The following MAPRE2 variants were observed in gnomAD, a reference collection of about 807,000 sequenced individuals.
MAPRE2 encodes microtubule associated protein RP/EB family member 2, also known as microtubule-associated protein RP/EB family member 2.
MAPRE2 carries 13 observed loss-of-function variants against 43.2 expected under a neutral mutation model. The ratio of observed to expected loss-of-function variants is 0.30; its 90% CI spans 0.20 to 0.48. MAPRE2 has a LOEUF of 0.48. Ranked by LOEUF, MAPRE2 falls within the 20% of genes least tolerant of loss-of-function variation. MAPRE2 has a pLI of 0.99. For synonymous variants in MAPRE2, 135 were observed against 148.8 expected, an observed-to-expected ratio of 0.91 and a Z score of 0.68; for missense variants, 161 against 400.2, an observed-to-expected ratio of 0.40 and a Z score of 5.10.
At chr18:35,127,141 AG>A (rs759213472) in intron 5 of MAPRE2, 54 bp downstream of exon 5, 1 of 1,599,636 alleles carries the variant, frequency 6.3e-7, no homozygotes, top group Admixed American at 1.7e-5. Flanking sequence ...TGTAAGAGGT[AG>A]GGGGCCTAGG....
intron 1 of MAPRE2, among the ~76,000 whole-genome samples, chr18:34,995,930 C>T (rs775542359): frequency 2.0e-5 from 3 of 152,052 alleles, no homozygotes; most frequent in South Asian, 2.1e-4. Context: ...TTTAGAAAGG[C>T]GGATTCTCAC....
At chr18:35,058,529 A>G (rs920968929) in intron 1 of MAPRE2, among the ~76,000 whole-genome samples, 1 of 152,174 alleles carries the variant, frequency 6.6e-6, no homozygotes, top group African/African-American at 2.4e-5. Flanking sequence ...ATTTTGACTA[A>G]TTTACCACAA....
chr18:35,000,583 C>G (rs1405786366), intron 1 of MAPRE2, among the ~76,000 whole-genome samples: 1 of 152,068 alleles, frequency 6.6e-6, no homozygotes, highest in Non-Finnish European at 1.5e-5. Context: ...TTTGACATTT[C>G]TAGAGGATGG....
intron 6 of MAPRE2, among the ~76,000 whole-genome samples, chr18:35,133,258 T>G (rs1051763168): frequency 6.6e-6 from 1 of 151,478 alleles, no homozygotes; most frequent in Non-Finnish European, 1.5e-5. Context: ...CTTTATCACT[T>G]TTTTTTTTCA....
chr18:35,055,284 G>T lies in MAPRE2; in HGVS notation c.122+13623G>T, dbSNP rs181548918. ...GGGAGACCCTTCCTTGTCTCTTCCC[G>T]CTTCTTTTGGCCCCCATGTGCTCCT... On this transcript the variant is annotated intron_variant, in intron 1 of 6. Transcript: ENST00000300249. Among the ~76,000 whole-genome samples the T allele has an allele frequency of 3.7e-4, 56 of 152,160 alleles. 1 individual carries two copies. In the East Asian group the frequency reaches 6.0e-3, roughly 16 times the overall value.
intron 2 of MAPRE2, among the ~76,000 whole-genome samples, chr18:35,076,889 T>G (rs1316615299): frequency 6.6e-6 from 1 of 152,204 alleles, no homozygotes; most frequent in African/African-American, 2.4e-5. Flanking sequence ...ACTGGGTAGA[T>G]GTCATGTGAC....
At chr18:35,042,466 C>T (rs1905417350) in intron 1 of MAPRE2, among the ~76,000 whole-genome samples, 1 of 152,074 alleles carries the variant, frequency 6.6e-6, no homozygotes, top group Non-Finnish European at 1.5e-5. Flanking sequence ...TTGGCCTGTA[C>T]GGTTGGCATC....
At chr18:35,020,681 T>C (rs2097041382) in intron 2 of MAPRE2, among the ~76,000 whole-genome samples, 1 of 152,090 alleles carries the variant, frequency 6.6e-6, no homozygotes, top group Non-Finnish European at 1.5e-5. Context: ...TGCCTCCTAC[T>C]CAAGAAAACG....
intron 1 of MAPRE2, among the ~76,000 whole-genome samples, chr18:34,998,785 T>C (rs984464310): frequency 7.1e-6 from 1 of 140,748 alleles, no homozygotes; most frequent in East Asian, 2.0e-4. Flanking sequence ...TTTTTTTTTT[T>C]TTTTTTTTTT....
At chr18:34,983,429 G>A (rs1221569378) in intron 1 of MAPRE2, among the ~76,000 whole-genome samples, 1 of 152,072 alleles carries the variant, frequency 6.6e-6, no homozygotes, top group Admixed American at 6.5e-5. Flanking sequence ...ATCCTAATGT[G>A]AACACTTGCC....
chr18:35,050,391 C>T (rs1905875423), intron 1 of MAPRE2, among the ~76,000 whole-genome samples: 1 of 152,170 alleles, frequency 6.6e-6, no homozygotes, highest in African/African-American at 2.4e-5. Context: ...TCAGTAGTCA[C>T]AAATGAAATG....
At chr18:35,124,352 A>C (rs778218206) in intron 4 of MAPRE2, among the ~76,000 whole-genome samples, 3 of 152,180 alleles carry the variant, frequency 2.0e-5, no homozygotes, top group Non-Finnish European at 2.9e-5. Context: ...CCATGCTTCA[A>C]TTACCTGCCA....
intron 2 of MAPRE2, among the ~76,000 whole-genome samples, chr18:35,095,396 A>ACACG (rs1555917961): frequency 4.2e-4 from 62 of 148,500 alleles, no homozygotes; most frequent in Admixed American, 2.0e-3. Context: ...ACACACACAC[A>ACACG]CACACGCACA....
intron 2 of MAPRE2, among the ~76,000 whole-genome samples, chr18:35,018,842 T>G (rs769750031): frequency 6.6e-6 from 1 of 152,004 alleles, no homozygotes; most frequent in Non-Finnish European, 1.5e-5. Context: ...AGATTTTAAT[T>G]TATTTATATT....
At chr18:35,041,874 G>A in intron 1 of MAPRE2, 1 of 1,227,200 alleles carries the variant, frequency 8.1e-7, no homozygotes, top group Non-Finnish European at 1.1e-6. Flanking sequence ...TTTGTGAATA[G>A]GTTTGCTGCC....
chr18:35,140,486 A>G lies in MAPRE2; in HGVS notation c.*117A>G, dbSNP rs903703073. 37 of 994,454 alleles carry G rather than the reference A, an allele frequency of 3.7e-5. No homozygotes were observed. The highest frequency in any genetic ancestry group is 5.4e-5 in the Non-Finnish European group (36 of 668,354). 61.6% of individuals were successfully genotyped at this position (994,454 alleles called of 1,614,324 possible). On this transcript the variant is annotated 3_prime_UTR_variant, in exon 7 of 7. Coordinates refer to ENST00000300249, the MANE Select transcript of MAPRE2 (RefSeq NM_014268.4). The stretch of plus-strand genomic sequence containing the variant: ...CAGTTGTTCCCAATCTGCCGTTACC[A>G]TCAACGCACTGTTGCATATGCCAGC...
rs997999985 is a variant in MAPRE2 at position 35,041,821 on chromosome 18, G to A, written c.122+160G>A. The A allele has an allele frequency of 2.0e-6, 3 of 1,465,996 alleles. No homozygotes were observed. The African/African-American group carries it at 4.2e-5, about 21-fold the overall frequency. 90.8% of individuals were successfully genotyped at this position (1,465,996 alleles called of 1,614,324 possible). A position where few individuals can be genotyped will look rare whatever the true frequency, so the allele number is the denominator to read the frequency against. On this transcript the variant is annotated intron_variant, in intron 1 of 6. Coordinates refer to ENST00000300249, the MANE Select transcript of MAPRE2 (RefSeq NM_014268.4). ...TTTGGTATCTGTTTCCATGTGTCAT[G>A]TTGGGTTTGCATTGAGGCTCCGCGA...
intron 2 of MAPRE2, among the ~76,000 whole-genome samples, chr18:35,006,777 A>G (rs1369526509): frequency 6.6e-6 from 1 of 152,204 alleles, no homozygotes; most frequent in Admixed American, 6.5e-5. Flanking sequence ...ACTCTGGCCA[A>G]CATGGCAAAA....
chr18:35,103,017 A>G (rs1908749719), intron 4 of MAPRE2, among the ~76,000 whole-genome samples: 1 of 150,950 alleles, frequency 6.6e-6, no homozygotes, highest in African/African-American at 2.5e-5. Context: ...AATGGTTAAC[A>G]GGACCACATA....
Sources: allele counts gnomAD v4.1 joint callset (sites outside exome capture counted in the v4.1 genomes callset), GRCh38; gene constraint gnomAD v4.1.1; transcripts MANE v1.5; gene names NCBI Gene and HGNC (gene_info 2026-07-23, HGNC 2026-07-21).